Variants in SMAD2 observed in about 807,000 individuals in gnomAD.
SMAD2 encodes the protein MAD homolog 2.
A neutral mutation model predicts 64.4 loss-of-function variants in SMAD2; 8 were observed. The ratio of observed to expected loss-of-function variants is 0.12; its 90% CI spans 0.07 to 0.22. The LOEUF is 0.22. Among genes scored for constraint, SMAD2 ranks in the 10% least tolerant of loss-of-function variants. The pLI, the probability that SMAD2 is intolerant of heterozygous loss-of-function variation, is 1.00. For missense variants in SMAD2, 289 were observed against 561.2 expected, an observed-to-expected ratio of 0.51 and a Z score of 4.90; for synonymous variants, 203 against 195.8, an observed-to-expected ratio of 1.04 and a Z score of -0.31.
At chr18:47,865,205 A>G (rs2031470643) in intron 5 of SMAD2, 72 bp from the exon 6 acceptor site, 2 of 802,710 alleles carry the variant, frequency 2.5e-6, no homozygotes, top group Non-Finnish European at 2.2e-6. Flanking sequence ...GCTACCAGAG[A>G]TAACCAATGA....
chr18:47,850,383 T>A (rs1231230026), intron 7 of SMAD2, among the ~76,000 whole-genome samples: 1 of 21,400 alleles, frequency 4.7e-5, no homozygotes, highest in Admixed American at 1.2e-3. Flanking sequence ...TTATATATAT[T>A]ATATAATATA....
chr18:47,930,597 G>C lies in SMAD2; in HGVS notation c.-290C>G, dbSNP rs1374853477. On this transcript the variant is annotated 5_prime_UTR_variant, in exon 1 of 11. Coordinates refer to ENST00000262160, the MANE Select transcript of SMAD2 (RefSeq NM_005901.6). ...AGAGAGGGGAGGGGAGGGGAGGAGA[G>C]GGAAGGGGAGGGGAGGGAGCCTGGC... 6.7e-6 allele frequency: 1 copy of C among 149,758 alleles called. No individual in the cohort carries two copies. The highest frequency in any genetic ancestry group is 1.5e-5 in the Non-Finnish European group (1 of 67,260). 9.3% of individuals were successfully genotyped at this position (149,758 alleles called of 1,614,324 possible).
chr18:47,879,057 G>C (rs2032431848), intron 2 of SMAD2, among the ~76,000 whole-genome samples: 1 of 152,192 alleles, frequency 6.6e-6, no homozygotes, highest in African/African-American at 2.4e-5. Context: ...CCAGTAGGTG[G>C]AGGCTGCAGT....
chr18:47,860,923 T>A (rs746407149), intron 6 of SMAD2, among the ~76,000 whole-genome samples: 1 of 152,040 alleles, frequency 6.6e-6, no homozygotes, highest in Non-Finnish European at 1.5e-5. Context: ...ATTAACATCA[T>A]ACTTAAAGGG....
intron 2 of SMAD2, among the ~76,000 whole-genome samples, chr18:47,883,967 G>A (rs1026803720): frequency 1.3e-5 from 2 of 152,080 alleles, no homozygotes; most frequent in African/African-American, 4.8e-5. Flanking sequence ...TGCTCCACCT[G>A]TTGATATTAG....
At chr18:47,921,325 C>T (rs1018887433) in intron 1 of SMAD2, among the ~76,000 whole-genome samples, 1 of 152,140 alleles carries the variant, frequency 6.6e-6, no homozygotes, top group Admixed American at 6.5e-5. Flanking sequence ...TTCATAGATG[C>T]ATAAAATCTC....
intron 2 of SMAD2, among the ~76,000 whole-genome samples, chr18:47,876,418 C>T (rs2032266118): frequency 6.6e-6 from 1 of 152,098 alleles, no homozygotes; most frequent in South Asian, 2.1e-4. Context: ...AACAAGCATA[C>T]GTATGTTATC....
Position 47,834,715 on chromosome 18 carries a change from C to G in SMAD2, c.*7112G>C, listed in dbSNP as rs146438414. The stretch of plus-strand genomic sequence containing the variant: ...TTAGTGAGCAGTGTATAAAAGCTCA[C>G]TCTTGAAATCTGTTTTCAGACAAAT... On this transcript the variant is annotated 3_prime_UTR_variant, in exon 11 of 11. Transcript: ENST00000262160. 2 of 220,690 alleles carry G rather than the reference C, an allele frequency of 9.1e-6. No homozygotes were observed. Among genetic ancestry groups the G allele is most frequent in the African/African-American group, 4.5e-5 (2 of 44,612 alleles). The allele number at this position is 220,690 out of a possible 1,614,324, so 13.7% of individuals were successfully genotyped here.
rs533785198 is a variant in SMAD2 at position 47,833,802 on chromosome 18, C to T, written c.*8025G>A. 4.8e-5 allele frequency: 11 copies of T among 230,762 alleles called. No homozygotes were observed. Among genetic ancestry groups the T allele is most frequent in the African/African-American group, 8.8e-5 (4 of 45,266 alleles). The allele number at this position is 230,762 out of a possible 1,614,324, so 14.3% of individuals were successfully genotyped here. A position where few individuals can be genotyped will look rare whatever the true frequency, so the allele number is the denominator to read the frequency against. On this transcript the variant is annotated 3_prime_UTR_variant, in exon 11 of 11. Transcript: ENST00000262160. ...AGAACAGACTGGGAAATGCAGTAGACGCCAGAGCATCAAAGGCCATGTATT... is the reference window on the plus strand; with the variant it reads ...AGAACAGACTGGGAAATGCAGTAGATGCCAGAGCATCAAAGGCCATGTATT...
intron 7 of SMAD2, among the ~76,000 whole-genome samples, chr18:47,850,317 T>C (rs1377470578): frequency 6.9e-5 from 3 of 43,672 alleles, no homozygotes; most frequent in African/African-American, 3.1e-4. Flanking sequence ...GTATGTTATA[T>C]ACATATTATG....
chr18:47,930,618 C>T lies in SMAD2; in HGVS notation c.-311G>A, dbSNP rs2034976462. The T allele has an allele frequency of 6.7e-6, 1 of 148,842 alleles. No homozygotes were observed. The highest frequency in any genetic ancestry group is 6.6e-5 in the Admixed American group (1 of 15,072). The allele number at this position is 148,842 out of a possible 1,614,324, so 9.2% of individuals were successfully genotyped here. A position where few individuals can be genotyped will look rare whatever the true frequency, so the allele number is the denominator to read the frequency against. On this transcript the variant is annotated 5_prime_UTR_variant, in exon 1 of 11. Coordinates refer to ENST00000262160, the MANE Select transcript of SMAD2 (RefSeq NM_005901.6). ...GAGAGGGAAGGGGAGGGGAGGGAGC[C>T]TGGCCGCCGCCCGCGGGGAAGGAGG... is the stretch of plus-strand genomic sequence containing the variant.
rs1377874239 is a variant in SMAD2, at chr18:47,850,474, T to A, written c.784+800A>T. 1.1e-4 allele frequency among the ~76,000 whole-genome samples: 2 copies of A among 17,866 alleles called. 1 individual carries two copies. Among genetic ancestry groups the A allele is most frequent in the Non-Finnish European group, 1.7e-4 (2 of 11,810 alleles). The allele number at this position is 17,866 out of a possible 152,430, so 11.7% of individuals were successfully genotyped here. ...TATTATATATTATACATAATATATA[T>A]TATATATTATATATTATGTATAATA... On this transcript the variant is annotated intron_variant, in intron 7 of 10. Coordinates refer to ENST00000262160, the MANE Select transcript of SMAD2 (RefSeq NM_005901.6).
chr18:47,850,396 T>TTA (rs531314625), intron 7 of SMAD2, among the ~76,000 whole-genome samples: 2,008 of 21,922 alleles, frequency 0.092, 718 homozygotes, highest in African/African-American at 0.43. Context: ...ATAATATATA[T>TTA]TATATATTAT....
At chr18:47,899,828 T>C (rs1026180575) in intron 1 of SMAD2, among the ~76,000 whole-genome samples, 1 of 152,212 alleles carries the variant, frequency 6.6e-6, no homozygotes, top group Non-Finnish European at 1.5e-5. Flanking sequence ...CTAAAATGCA[T>C]ACTGCATGTC....
In SMAD2 at chr18:47,825,875, C is replaced by T. The variant is rs888502057; in HGVS notation, c.*15952G>A. On this transcript the variant is annotated 3_prime_UTR_variant, in exon 11 of 11. Transcript: ENST00000262160. Reference sequence around the variant, plus strand: ...GAAGCTTCCTAAAGCACTCCAAGCTCCTAAAAACAGGCAGCATGAAGTAAA... The same window carrying T: ...GAAGCTTCCTAAAGCACTCCAAGCTTCTAAAAACAGGCAGCATGAAGTAAA... 1 of 152,196 alleles carries T rather than the reference C, an allele frequency of 6.6e-6. No homozygotes were observed. The highest frequency in any genetic ancestry group is 1.9e-4 in the East Asian group (1 of 5,200). The allele number at this position is 152,196 out of a possible 1,614,324, so 9.4% of individuals were successfully genotyped here. A position where few individuals can be genotyped will look rare whatever the true frequency, so the allele number is the denominator to read the frequency against.
intron 1 of SMAD2, among the ~76,000 whole-genome samples, chr18:47,910,405 G>A (rs899673192): frequency 1.3e-5 from 2 of 152,158 alleles, no homozygotes; most frequent in Admixed American, 1.3e-4. Context: ...TCTAATTATT[G>A]AAGGCTGCTT....
At chr18:47,870,677 T>C (rs761085696) in intron 2 of SMAD2, 113 bp from the exon 3 acceptor site, 10 of 789,426 alleles carry the variant, frequency 1.3e-5, no homozygotes, top group Non-Finnish European at 2.3e-5. Flanking sequence ...ACCCAGAAAA[T>C]ATACAATTGC....
At position 47,839,025 on chromosome 18, in the gene SMAD2, C is replaced by A. The variant is rs200083492; in HGVS notation, c.*2802G>T. On this transcript the variant is annotated 3_prime_UTR_variant, in exon 11 of 11. Coordinates refer to ENST00000262160, the MANE Select transcript of SMAD2 (RefSeq NM_005901.6). The stretch of plus-strand genomic sequence containing the variant: ...TATAAATGGGGGGAGGGGCAGAAAA[C>A]AAAAAAAAAATCAGGCCACAGTAGA... 4.4e-6 allele frequency: 1 copy of A among 226,656 alleles called. No homozygotes were observed. The highest frequency in any genetic ancestry group is 2.2e-5 in the African/African-American group (1 of 44,476). The allele number at this position is 226,656 out of a possible 1,614,324, so 14.0% of individuals were successfully genotyped here.
chr18:47,917,154 T>C (rs1379386505), intron 1 of SMAD2, among the ~76,000 whole-genome samples: 2 of 152,322 alleles, frequency 1.3e-5, no homozygotes, highest in Non-Finnish European at 2.9e-5. Flanking sequence ...TCTTCTGTAA[T>C]TGTTGGGTGC....
Sources: gnomAD v4.1 joint callset for allele counts (sites outside exome capture counted in the v4.1 genomes callset) on GRCh38, gnomAD v4.1.1 for gene constraint, MANE v1.5 for transcripts, NCBI Gene and HGNC (gene_info 2026-07-23, HGNC 2026-07-21) for gene names.